Variants in CYP11B1 observed in about 807,000 individuals in gnomAD.
The protein encoded by CYP11B1 is cytochrome P450 11B1, mitochondrial.
Under a neutral mutation model 48.3 loss-of-function variants are expected in CYP11B1, and 34 were observed. The observed-to-expected ratio is 0.70, with a 90% CI of 0.54 to 0.94. The LOEUF is 0.94. CYP11B1 is among the 40% of genes least tolerant of loss of function. CYP11B1 has a pLI of 0.00. For synonymous variants in CYP11B1, 291 were observed against 262.5 expected (o/e 1.11, Z -1.05); for missense variants, 688 against 657.4 (o/e 1.05, Z -0.51).
At chr8:142,877,336 G>C in intron 2 of CYP11B1, 114 bp from the exon 3 acceptor site, 1 of 1,049,300 alleles carries the variant, frequency 9.5e-7, no homozygotes, top group Admixed American at 2.0e-5. Flanking sequence ...CTGACTGGGG[G>C]CCCTGGTAGA....
rs1172437718 is a variant in CYP11B1 at position 142,877,190 on chromosome 8, C to A, written c.428G>T (p.Arg143Leu). The change falls in exon 3 of 9, where the codon CGG (arginine) becomes CTG (leucine). Residue 143 changes from arginine to leucine, a missense_variant. Arg to Leu is a moderately radical substitution (Grantham distance 102, BLOSUM62 -2). Coordinates refer to ENST00000292427, the MANE Select transcript of CYP11B1 (RefSeq NM_000497.4). ...GGGCGACAGCACTTCTGGATTCAGC[C>A]GCAATCGGTTGAAGCGCCATTCAGG... ...NGPEWRFNRL[R>L]LNPEVLSPNA... The A allele has an allele frequency of 1.9e-6, 3 of 1,613,978 alleles. No homozygotes were observed. The highest frequency in any genetic ancestry group is 2.5e-6 in the Non-Finnish European group (3 of 1,180,006).
rs374343296 is a variant in CYP11B1 at position 142,875,753 on chromosome 8, G to C, written c.1080C>G (p.Thr360=). ...SISEHPQKAT[T]ELPLLRAALK... ...GGGCCGCACGCAGCAAGGGCAGCTC[G>C]GTGGTTGCCTTCTGGGGATGTTCAC... Residue 360 remains threonine (T), a synonymous_variant, in exon 6 of 9, where the codon ACC becomes ACG. Transcript: ENST00000292427. 16 of 1,613,968 alleles carry C rather than the reference G, an allele frequency of 9.9e-6. No individual in the cohort carries two copies. Among genetic ancestry groups the C allele is most frequent in the Non-Finnish European group, 1.4e-5 (16 of 1,180,030 alleles).
At position 142,877,124 on chromosome 8, in the gene CYP11B1, G is replaced by A; in HGVS notation, c.494C>T (p.Ala165Val). 6.2e-7 allele frequency: 1 copy of A among 1,614,136 alleles called. No individual in the cohort carries two copies. Among genetic ancestry groups the A allele is most frequent in the Non-Finnish European group, 8.5e-7 (1 of 1,180,016 alleles). ...QRFLPMVDAV[A>V]RDFSQALKKK... ...CTTCAGGGCCTGGGAGAAGTCCCTG[G>A]CCACTGCATCCACCATCGGGAGGAA... Residue 165 changes from alanine (A) to valine (V), a missense_variant, in exon 3 of 9, where the codon GCC becomes GTC. Coordinates refer to ENST00000292427, the MANE Select transcript of CYP11B1 (RefSeq NM_000497.4).
At chr8:142,876,114 CAAGT>C (rs1816939043) in intron 5 of CYP11B1, 123 bp downstream of exon 5, 3 of 1,377,112 alleles carry the variant, frequency 2.2e-6, no homozygotes, top group East Asian at 2.4e-5. Flanking sequence ...ATCACAATCC[CAAGT>C]AAGAAATGTG....
intron 5 of CYP11B1, 120 bp downstream of exon 5, chr8:142,876,121 G>T: frequency 1.4e-6 from 2 of 1,412,762 alleles, no homozygotes; most frequent in East Asian, 2.4e-5. Context: ...TCCCAAGTAA[G>T]AAATGTGGGG....
chr8:142,879,398 A>C (rs1586561675), intron 1 of CYP11B1, 177 bp downstream of exon 1: 1 of 1,611,878 alleles, frequency 6.2e-7, no homozygotes, highest in South Asian at 1.1e-5. Flanking sequence ...TTTGCTCTGC[A>C]CCATCCCCTG....
chr8:142,877,608 A>T (rs1289572023), intron 2 of CYP11B1: 3 of 738,040 alleles, frequency 4.1e-6, no homozygotes, highest in Non-Finnish European at 4.5e-6. Context: ...CCTCACCCAC[A>T]CAGTGTCCTG....
At chr8:142,876,554 C>G in intron 4 of CYP11B1, 128 bp downstream of exon 4, 3 of 1,549,562 alleles carry the variant, frequency 1.9e-6, no homozygotes, top group Non-Finnish European at 2.6e-6. Context: ...ACCAATCTCC[C>G]TGGCAGGAAG....
rs1484681002 is a variant in CYP11B1, at chr8:142,879,336, A to T, written c.240-149T>A. On this transcript the variant is annotated intron_variant, in intron 1 of 8. Transcript: ENST00000292427. ...AAAGCCCTCTTGCTGACTGCCCGGA[A>T]CCTCTTAACTTCAGTGCCTCTGAGT... 2.5e-6 allele frequency: 4 copies of T among 1,606,180 alleles called. No homozygotes were observed. The African/African-American group carries it at 5.3e-5, about 21-fold the overall frequency.
At chr8:142,878,087 A>T (rs1177901002) in intron 2 of CYP11B1, among the ~76,000 whole-genome samples, 2 of 152,110 alleles carry the variant, frequency 1.3e-5, no homozygotes, top group African/African-American at 4.8e-5. Flanking sequence ...TGCACACACA[A>T]CACGTGCAAA....
In CYP11B1 at chr8:142,879,734, C is replaced by G. The variant is rs768585386; in HGVS notation, c.80G>C (p.Arg27Thr). 5 of 1,614,130 alleles carry G rather than the reference C, an allele frequency of 3.1e-6. No individual in the cohort carries two copies. In the African/African-American group the frequency reaches 6.7e-5, roughly 22 times the overall value. The change falls in exon 1 of 9, where the codon AGA (arginine) becomes ACA (threonine). Residue 27 changes from arginine to threonine, a missense_variant. By Grantham distance (71) the Arg-to-Thr change is moderately conservative. Transcript: ENST00000292427. The part of the protein sequence containing the change: ...SLQRAQALGT[R>T]AARVPRTVLP... ...CACTGTCCTGGGGACCCGGGCGGCT[C>G]TCGTGCCCAGTGCCTGTGCCCTTTG...
At chr8:142,878,810 T>C (rs767256156) in intron 2 of CYP11B1, among the ~76,000 whole-genome samples, 3 of 152,112 alleles carry the variant, frequency 2.0e-5, no homozygotes, top group Non-Finnish European at 2.9e-5. Flanking sequence ...CTCTGCATCT[T>C]CTCTGCAGAG....
At position 142,876,706 on chromosome 8, in the gene CYP11B1, C is replaced by T. The variant is rs2130274889; in HGVS notation, c.775G>A (p.Ala259Thr). ...SPKVWKEHFEAWDCIFQYGDN... is the reference protein window; with the variant it reads ...SPKVWKEHFETWDCIFQYGDN... ...CCGTACTGGAAGATGCAGTCCCAGG[C>T]CTCAAAGTGCTCCTTCCACACCTTG... Residue 259 changes from alanine to threonine, a missense_variant, in exon 4 of 9, where the codon GCC becomes ACC. Coordinates refer to ENST00000292427, the MANE Select transcript of CYP11B1 (RefSeq NM_000497.4). The T allele has an allele frequency of 6.2e-7, 1 of 1,613,072 alleles. No homozygotes were observed. The highest frequency in any genetic ancestry group is 8.5e-7 in the Non-Finnish European group (1 of 1,179,634).
In CYP11B1 at chr8:142,873,645, C is replaced by T. The variant is rs1137488; in HGVS notation, c.*728G>A. 1 of 152,790 alleles carries T rather than the reference C, an allele frequency of 6.5e-6. No homozygotes were observed. Among genetic ancestry groups the T allele is most frequent in the African/African-American group, 2.4e-5 (1 of 41,408 alleles). The allele number at this position is 152,790 out of a possible 1,614,324, so 9.5% of individuals were successfully genotyped here. ...TCCTGACAGCATCCTCGGGACCTTC[C>T]CCAGGGGACAGCACAGGAAGCAGAG... On this transcript the variant is annotated 3_prime_UTR_variant, in exon 9 of 9. Transcript: ENST00000292427.
intron 2 of CYP11B1, among the ~76,000 whole-genome samples, 199 bp from the exon 3 acceptor site, chr8:142,877,421 C>CT (rs1277607062): frequency 6.6e-6 from 1 of 152,244 alleles, no homozygotes; most frequent in Admixed American, 6.5e-5. Flanking sequence ...CCACTCAGGT[C>CT]TAAGCAGGGA....
In CYP11B1 at chr8:142,876,920, C is replaced by T. The variant is rs780469231; in HGVS notation, c.596-35G>A. On this transcript the variant is annotated intron_variant, in intron 3 of 8. Transcript: ENST00000292427. ...GGATGCACTGCTGAGCACAAGGCAG[C>T]CCCGGGCCTCCTGGCTGCCTCCCCA... The T allele has an allele frequency of 5.6e-6, 9 of 1,613,700 alleles. No individual in the cohort carries two copies. The South Asian group carries it at 9.9e-5, about 18-fold the overall frequency.
In CYP11B1 at chr8:142,874,904, G is replaced by A. The variant is rs73368712; in HGVS notation, c.1398+53C>T. The A allele has an allele frequency of 9.4e-6, 15 of 1,601,968 alleles. No homozygotes were observed. The African/African-American group carries it at 1.3e-4, about 14-fold the overall frequency. Reference sequence around the variant, plus strand: ...GCCAGTCCCACATTGCTCAAGCCCCGCCCATGCTGCCCAGACCCCGCCCAG... The same window carrying A: ...GCCAGTCCCACATTGCTCAAGCCCCACCCATGCTGCCCAGACCCCGCCCAG... On this transcript the variant is annotated intron_variant, in intron 8 of 8. Transcript: ENST00000292427.
chr8:142,876,973 C>G (rs774709206), intron 3 of CYP11B1, 50 bp downstream of exon 3: 1 of 1,612,486 alleles, frequency 6.2e-7, no homozygotes, highest in South Asian at 1.1e-5. Context: ...CATCCCCGTC[C>G]CTGGCCACTC....
At chr8:142,874,545 C>A (rs931121079) in intron 8 of CYP11B1, 59 bp from the exon 9 acceptor site, 2 of 1,126,292 alleles carry the variant, frequency 1.8e-6, no homozygotes, top group Non-Finnish European at 2.7e-6. Flanking sequence ...CGTGGTGCAG[C>A]CTTCTCAGAC....
Sources: gnomAD v4.1 joint callset for allele counts (sites outside exome capture counted in the v4.1 genomes callset) on GRCh38, gnomAD v4.1.1 for gene constraint, MANE v1.5 for transcripts, NCBI Gene and HGNC (gene_info 2026-07-23, HGNC 2026-07-21) for gene names.